Variants in FER observed in about 807,000 individuals in gnomAD.
FER encodes FER tyrosine kinase.
Under a neutral mutation model 111.0 loss-of-function variants are expected in FER, and 63 were observed. That is an observed-to-expected ratio of 0.57 (90% CI 0.46 to 0.70). FER has a LOEUF of 0.70. Among genes scored for constraint, FER ranks in the 30% least tolerant of loss-of-function variants. FER has a pLI of 0.00. For synonymous variants in FER, 327 were observed against 313.9 expected (o/e 1.04, Z -0.44); for missense variants, 914 against 954.0 (o/e 0.96, Z 0.55).
At chr5:109,031,426 T>A (rs1769595336) in intron 13 of FER, among the ~76,000 whole-genome samples, 1 of 152,198 alleles carries the variant, frequency 6.6e-6, no homozygotes, top group Admixed American at 6.6e-5. Flanking sequence ...GTATTTTAAT[T>A]GTTTGTTTGG....
At chr5:108,855,595 A>AAG (rs538965657) in intron 5 of FER, among the ~76,000 whole-genome samples, 2 of 80,794 alleles carry the variant, frequency 2.5e-5, no homozygotes, top group Non-Finnish European at 5.0e-5. Flanking sequence ...CACTCCAGCG[A>AAG]AAAAAAAAAA....
At chr5:108,992,311 A>G (rs937868244) in intron 13 of FER, among the ~76,000 whole-genome samples, 1 of 152,284 alleles carries the variant, frequency 6.6e-6, no homozygotes, top group African/African-American at 2.4e-5. Context: ...CGATTTCTCA[A>G]TCTTTTCCCC....
intron 17 of FER, among the ~76,000 whole-genome samples, chr5:109,147,812 G>T (rs949616623): frequency 1.4e-4 from 20 of 141,978 alleles, no homozygotes; most frequent in Middle Eastern, 3.6e-3. Flanking sequence ...GAGAGAGAGA[G>T]AGAGAGAGAG....
intron 17 of FER, among the ~76,000 whole-genome samples, chr5:109,163,900 G>A (rs1453150354): frequency 6.6e-6 from 1 of 152,034 alleles, no homozygotes; most frequent in Admixed American, 6.6e-5. Flanking sequence ...TAACTTCATG[G>A]CAGTTTGATG....
At chr5:109,180,037 G>A (rs536878081) in intron 17 of FER, among the ~76,000 whole-genome samples, 2 of 152,316 alleles carry the variant, frequency 1.3e-5, no homozygotes, top group African/African-American at 4.8e-5. Context: ...GAACAGCTAA[G>A]TGCAAAGGGT....
At chr5:108,970,521 A>G (rs556787044) in intron 13 of FER, among the ~76,000 whole-genome samples, 1 of 152,176 alleles carries the variant, frequency 6.6e-6, no homozygotes, top group South Asian at 2.1e-4. Context: ...CGCCCAGCCT[A>G]TACTTTATTT....
intron 10 of FER, chr5:108,924,939 G>T (rs560352091): frequency 1.6e-5 from 9 of 567,054 alleles, no homozygotes; most frequent in Non-Finnish European, 2.3e-5. Context: ...AAATTCTTTT[G>T]AACAATGCTA....
chr5:108,798,373 TCAGCAA>T lies in FER; in HGVS notation c.193_198del (p.Ser65_Asn66del), dbSNP rs1756276328. The T allele has an allele frequency of 1.9e-6, 3 of 1,612,048 alleles. No individual in the cohort carries two copies. The highest frequency in any genetic ancestry group is 2.5e-6 in the Non-Finnish European group (3 of 1,178,704). Reference sequence around the variant, plus strand: ...GAAAGTACTGTCCAAATGAATTATGTCAGCAACGTATCCAAGGTAAGAAGAATAATT... The same window carrying T: ...GAAAGTACTGTCCAAATGAATTATGTCGTATCCAAGGTAAGAAGAATAATT... On this transcript the variant is annotated inframe_deletion, in exon 3 of 20. Transcript: ENST00000281092.
At chr5:108,767,361 T>G (rs918745769) in intron 1 of FER, among the ~76,000 whole-genome samples, 1 of 152,210 alleles carries the variant, frequency 6.6e-6, no homozygotes, top group African/African-American at 2.4e-5. Context: ...AGTATGTGTT[T>G]GCTGGGGGAA....
intron 10 of FER, among the ~76,000 whole-genome samples, chr5:108,920,854 C>G (rs1443155990): frequency 1.3e-5 from 2 of 152,108 alleles, no homozygotes; most frequent in African/African-American, 4.8e-5. Context: ...GAATGAAATT[C>G]TAATCCTCAC....
intron 16 of FER, among the ~76,000 whole-genome samples, chr5:109,097,158 C>T (rs1054878102): frequency 5.3e-5 from 8 of 151,718 alleles, no homozygotes; most frequent in African/African-American, 1.7e-4. Context: ...AAAGATTAAA[C>T]AGTTACCCAA....
intron 16 of FER, chr5:109,051,469 T>A (rs1772807345): frequency 6.2e-7 from 1 of 1,612,992 alleles, no homozygotes; most frequent in African/African-American, 1.3e-5. Context: ...AGGCTGTGCG[T>A]GGGAGTTAGA....
rs201092702 is a variant in FER, at chr5:108,938,026, TCACACACACACACACACACACACA to T, written c.1237-8082_1237-8059del. Among the ~76,000 whole-genome samples the T allele has an allele frequency of 2.3e-3, 305 of 130,900 alleles. 1 individual carries two copies. Among genetic ancestry groups the T allele is most frequent in the Admixed American group, 5.2e-3 (67 of 12,820 alleles). The allele number at this position is 130,900 out of a possible 152,430, so 85.9% of individuals were successfully genotyped here. On this transcript the variant is annotated intron_variant, in intron 10 of 19. Coordinates refer to ENST00000281092, the MANE Select transcript of FER (RefSeq NM_005246.4). ...CCTCCTTTTTTTCCCTATCTCTCTC[TCACACACACACACACACACACACA>T]CACACACACACACACACACACGTAA...
At chr5:108,884,348 G>C (rs1402939533) in intron 9 of FER, among the ~76,000 whole-genome samples, 1 of 151,884 alleles carries the variant, frequency 6.6e-6, no homozygotes, top group East Asian at 1.9e-4. Flanking sequence ...TCATCATAGT[G>C]AGCAGATGGA....
chr5:109,186,524 A>G (rs184865593), intron 19 of FER, among the ~76,000 whole-genome samples: 1 of 152,302 alleles, frequency 6.6e-6, no homozygotes, highest in Admixed American at 6.5e-5. Flanking sequence ...AGAGAGAGGT[A>G]TATAGGCTTT....
chr5:109,119,992 G>A (rs1045574369), intron 17 of FER, among the ~76,000 whole-genome samples: 1 of 151,972 alleles, frequency 6.6e-6, no homozygotes, highest in Non-Finnish European at 1.5e-5. Flanking sequence ...TTCCTATAGA[G>A]TTGTCTGAGC....
At chr5:109,060,939 A>G (rs1403683463) in intron 16 of FER, among the ~76,000 whole-genome samples, 1 of 152,110 alleles carries the variant, frequency 6.6e-6, no homozygotes, top group East Asian at 1.9e-4. Context: ...AATGCCTGCT[A>G]TAATCCAGCC....
chr5:109,002,375 G>C (rs1310295121), intron 13 of FER, among the ~76,000 whole-genome samples: 4 of 151,472 alleles, frequency 2.6e-5, no homozygotes, highest in Non-Finnish European at 4.4e-5. Context: ...AATGGGGAAA[G>C]GATTCCCTAT....
intron 13 of FER, among the ~76,000 whole-genome samples, chr5:109,002,890 A>T (rs545992205): frequency 3.9e-4 from 59 of 152,386 alleles, no homozygotes; most frequent in African/African-American, 1.4e-3. Context: ...GCCATCAGAG[A>T]AATGCAAATC....
Sources: allele counts gnomAD v4.1 joint callset (sites outside exome capture counted in the v4.1 genomes callset), GRCh38; gene constraint gnomAD v4.1.1; transcripts MANE v1.5; gene names NCBI Gene and HGNC (gene_info 2026-07-23, HGNC 2026-07-21).